Variants in DMD observed in about 807,000 individuals in gnomAD.
DMD encodes mutant dystrophin.
In DMD, 63 loss-of-function variants were observed where a neutral mutation model predicts 330.1. The observed-to-expected ratio is 0.19, with a 90% CI of 0.16 to 0.24. The LOEUF is 0.24. DMD is among the 10% of genes least tolerant of loss of function. The pLI is 1.00. For synonymous variants in DMD, 1,223 were observed against 959.8 expected, an observed-to-expected ratio of 1.27 and a Z score of -5.07; for missense variants, 3,344 against 2,684.1, an observed-to-expected ratio of 1.25 and a Z score of -5.43.
chrX:32,058,286 A>G (rs1202798250), intron 44 of DMD, among the ~76,000 whole-genome samples: 1 of 110,654 alleles, frequency 9.0e-6, no homozygotes, highest in African/African-American at 3.3e-5. Flanking sequence ...CAATCAACAG[A>G]ATTAAAAGCA....
intron 71 of DMD, among the ~76,000 whole-genome samples, chrX:31,176,385 T>G (rs2040502093): frequency 8.9e-6 from 1 of 111,855 alleles, no homozygotes; most frequent in Non-Finnish European, 1.9e-5. Context: ...CTACTTAAAA[T>G]AAGTTAATCT....
At chrX:32,673,010 T>A (rs1168858983) in intron 9 of DMD, among the ~76,000 whole-genome samples, 1 of 111,508 alleles carries the variant, frequency 9.0e-6, no homozygotes, top group African/African-American at 3.3e-5. Flanking sequence ...ATGTTACTGC[T>A]CCAATGTGGA....
intron 7 of DMD, among the ~76,000 whole-genome samples, chrX:32,784,252 G>T (rs1187246014): frequency 1.8e-5 from 2 of 111,695 alleles, no homozygotes; most frequent in African/African-American, 6.5e-5. Flanking sequence ...AGAACCCGAG[G>T]TGTATTATAG....
intron 49 of DMD, among the ~76,000 whole-genome samples, chrX:31,820,635 G>C (rs1219055162): frequency 9.0e-6 from 1 of 111,688 alleles, no homozygotes; most frequent in African/African-American, 3.3e-5. Flanking sequence ...GAGCTGCAGA[G>C]AGCTGCCTTG....
intron 42 of DMD, among the ~76,000 whole-genome samples, chrX:32,304,916 A>G (rs1490261835): frequency 9.0e-6 from 1 of 111,538 alleles, no homozygotes; most frequent in African/African-American, 3.2e-5. Flanking sequence ...AGAAAATTCA[A>G]CTCGAATTCA....
intron 13 of DMD, among the ~76,000 whole-genome samples, chrX:32,577,671 C>A (rs1036304247): frequency 8.9e-6 from 1 of 112,076 alleles, no homozygotes; most frequent in Non-Finnish European, 1.9e-5. Flanking sequence ...AATGTTTAGT[C>A]TTCAAGTATA....
At chrX:32,724,881 T>C (rs1212152695) in intron 7 of DMD, among the ~76,000 whole-genome samples, 1 of 111,982 alleles carries the variant, frequency 8.9e-6, no homozygotes. Flanking sequence ...GCATGATCTT[T>C]AGCATTTTTA....
intron 9 of DMD, among the ~76,000 whole-genome samples, chrX:32,670,012 A>G (rs1240732465): frequency 2.7e-5 from 3 of 111,913 alleles, no homozygotes; most frequent in Non-Finnish European, 5.6e-5. Context: ...CACAAAGTGA[A>G]GTAATATTTC....
At chrX:32,148,051 A>G (rs960824151) in intron 44 of DMD, among the ~76,000 whole-genome samples, 1 of 108,628 alleles carries the variant, frequency 9.2e-6, no homozygotes, top group Non-Finnish European at 1.9e-5. Flanking sequence ...CTAATTTTTT[A>G]TATTTTTAGT....
intron 7 of DMD, among the ~76,000 whole-genome samples, chrX:32,733,621 G>A (rs777767223): frequency 0.014 from 1,595 of 111,110 alleles, 38 homozygotes; most frequent in African/African-American, 0.049. Flanking sequence ...ACTCAAAACC[G>A]CTCAACTACA....
chrX:33,007,887 T>C (rs747771408), intron 2 of DMD, among the ~76,000 whole-genome samples: 1 of 111,881 alleles, frequency 8.9e-6, no homozygotes, highest in African/African-American at 3.2e-5. Context: ...CTAGTTCCTA[T>C]GAAAAGTACT....
chrX:32,761,626 G>A (rs1171912893), intron 7 of DMD, among the ~76,000 whole-genome samples: 2 of 111,630 alleles, frequency 1.8e-5, no homozygotes, highest in Non-Finnish European at 3.8e-5. Flanking sequence ...TATGGCGAGT[G>A]CAGCTCCAGA....
intron 1 of DMD, among the ~76,000 whole-genome samples, chrX:33,102,781 CGTATATAT>C (rs1486624502): frequency 9.0e-6 from 1 of 111,442 alleles, no homozygotes; most frequent in African/African-American, 3.3e-5. Context: ...CATTTTACAT[CGTATATAT>C]GTACATATAT....
intron 1 of DMD, among the ~76,000 whole-genome samples, chrX:33,175,280 C>G (rs2049589099): frequency 8.9e-6 from 1 of 112,383 alleles, no homozygotes; most frequent in African/African-American, 3.2e-5. Flanking sequence ...CCCTCTGTGG[C>G]TTTGAAATCA....
chrX:31,479,709 G>T (rs1299755169), intron 57 of DMD, among the ~76,000 whole-genome samples: 1 of 112,412 alleles, frequency 8.9e-6, no homozygotes, highest in Non-Finnish European at 1.9e-5. Flanking sequence ...TATTATGGAT[G>T]TAGGAATTGC....
intron 62 of DMD, among the ~76,000 whole-genome samples, chrX:31,270,924 G>T (rs1004033325): frequency 1.8e-5 from 2 of 111,655 alleles, no homozygotes; most frequent in African/African-American, 3.3e-5. Context: ...TGACTGACTG[G>T]ATGTATGAAT....
intron 12 of DMD, among the ~76,000 whole-genome samples, chrX:32,608,578 A>G (rs1211054859): frequency 9.2e-6 from 1 of 109,286 alleles, no homozygotes; most frequent in African/African-American, 3.3e-5. Context: ...AGCTTTATGA[A>G]TTTTTTTTTG....
At chrX:32,537,764 T>C (rs903521386) in intron 17 of DMD, among the ~76,000 whole-genome samples, 4 of 112,238 alleles carry the variant, frequency 3.6e-5, no homozygotes, top group Non-Finnish European at 3.8e-5. Context: ...GATGAATAAG[T>C]ATGAGTACCA....
intron 1 of DMD, among the ~76,000 whole-genome samples, chrX:33,330,110 GA>G (rs2054148503): frequency 9.0e-6 from 1 of 110,696 alleles, no homozygotes; most frequent in Admixed American, 9.7e-5. Context: ...TATGTCAGAA[GA>G]AGGGAGAGAG....
Sources: gnomAD v4.1 joint callset for allele counts (sites outside exome capture counted in the v4.1 genomes callset) on GRCh38, gnomAD v4.1.1 for gene constraint, MANE v1.5 for transcripts, NCBI Gene and HGNC (gene_info 2026-07-23, HGNC 2026-07-21) for gene names.